FAM204A: variants seen among roughly 807,000 people sequenced by gnomAD.
FAM204A encodes the protein protein FAM204A.
A neutral mutation model predicts 35.4 loss-of-function variants in FAM204A; 16 were observed. The observed-to-expected ratio is 0.45, with a 90% CI of 0.31 to 0.69. FAM204A has a LOEUF of 0.69. Ranked by LOEUF, FAM204A falls within the 30% of genes least tolerant of loss-of-function variation. FAM204A has a pLI of 0.07. For synonymous variants in FAM204A, 76 were observed against 86.9 expected (o/e 0.88, Z 0.70); for missense variants, 240 against 265.7 (o/e 0.90, Z 0.67).
rs1436285981 is a variant in FAM204A at position 118,308,633 on chromosome 10, T to C, written c.*2224A>G. The C allele has an allele frequency of 6.6e-6, 1 of 152,174 alleles. No homozygotes were observed. Among genetic ancestry groups the C allele is most frequent in the African/African-American group, 2.4e-5 (1 of 41,426 alleles). The allele number at this position is 152,174 out of a possible 1,614,324, so 9.4% of individuals were successfully genotyped here. A position where few individuals can be genotyped will look rare whatever the true frequency, so the allele number is the denominator to read the frequency against. ...GGGAGAAGTGGCTTCCTTTATTAGA[T>C]GAGCCCCCGCTATACTTAATTCTGC... On this transcript the variant is annotated 3_prime_UTR_variant, in exon 9 of 9. Coordinates refer to ENST00000369183, the MANE Select transcript of FAM204A (RefSeq NM_022063.3).
intron 8 of FAM204A, 71 bp from the exon 9 acceptor site, chr10:118,310,979 T>TA: frequency 1.4e-6 from 2 of 1,449,362 alleles, no homozygotes; most frequent in South Asian, 1.2e-5. Context: ...CATGTTTACT[T>TA]AGAGACCAAA....
rs771417350 is a variant in FAM204A at position 118,335,442 on chromosome 10, A to G, written c.323-16T>C. The G allele has an allele frequency of 4.6e-5, 73 of 1,597,840 alleles. No homozygotes were observed. Among genetic ancestry groups the G allele is most frequent in the Non-Finnish European group, 5.7e-5 (67 of 1,173,332 alleles). On this transcript the variant is annotated splice_polypyrimidine_tract_variant and intron_variant, in intron 4 of 8. Transcript: ENST00000369183. ...TTCAATTTATCTGAAAAGAATTCAC[A>G]AAGTGTCAATACCTAACTTCAGTAA...
intron 7 of FAM204A, chr10:118,322,392 A>G (rs1846132214): frequency 2.2e-6 from 1 of 456,178 alleles, no homozygotes; most frequent in Admixed American, 2.4e-5. Flanking sequence ...GAAACACACA[A>G]CATTACTCCC....
chr10:118,320,779 C>T (rs1846101487), intron 7 of FAM204A, among the ~76,000 whole-genome samples: 1 of 151,972 alleles, frequency 6.6e-6, no homozygotes, highest in Non-Finnish European at 1.5e-5. Context: ...AGATTCTACA[C>T]ATCTTAATGC....
At chr10:118,329,685 T>C (rs1480680828) in intron 6 of FAM204A, among the ~76,000 whole-genome samples, 1 of 152,132 alleles carries the variant, frequency 6.6e-6, no homozygotes, top group Non-Finnish European at 1.5e-5. Context: ...TCTCCCCTCT[T>C]GAGTCCTATA....
At chr10:118,325,893 G>A (rs1263116614) in intron 7 of FAM204A, among the ~76,000 whole-genome samples, 3 of 152,094 alleles carry the variant, frequency 2.0e-5, no homozygotes, top group Non-Finnish European at 4.4e-5. Flanking sequence ...AAACCTCTCT[G>A]ATCCAGGTAA....
chr10:118,311,053 A>T, intron 8 of FAM204A, 145 bp from the exon 9 acceptor site: 1 of 1,051,482 alleles, frequency 9.5e-7, no homozygotes, highest in Non-Finnish European at 1.4e-6. Context: ...AACAGGATGA[A>T]GAAATGCCTC....
chr10:118,331,518 A>G (rs1199669030), intron 6 of FAM204A, among the ~76,000 whole-genome samples: 2 of 152,228 alleles, frequency 1.3e-5, no homozygotes, highest in Non-Finnish European at 2.9e-5. Flanking sequence ...TATCTAAGAA[A>G]TGTATGGGTA....
chr10:118,312,848 T>C (rs1011404746), intron 7 of FAM204A, among the ~76,000 whole-genome samples: 8 of 152,200 alleles, frequency 5.3e-5, no homozygotes, highest in African/African-American at 1.9e-4. Flanking sequence ...GGCACTGTTC[T>C]AGGTGCTGGA....
In FAM204A at chr10:118,307,556, T is replaced by C. The variant is rs1054167614; in HGVS notation, c.*3301A>G. ...GCTTGCCTCCTCAAACTTTATCATCTCTTAAAAAATAATGTACAACTCTCA... is the reference window on the plus strand; with the variant it reads ...GCTTGCCTCCTCAAACTTTATCATCCCTTAAAAAATAATGTACAACTCTCA... On this transcript the variant is annotated 3_prime_UTR_variant, in exon 9 of 9. Transcript: ENST00000369183. The C allele has an allele frequency of 3.3e-5, 5 of 152,218 alleles. No individual in the cohort carries two copies. The highest frequency in any genetic ancestry group is 4.8e-5 in the African/African-American group (2 of 41,460). The allele number at this position is 152,218 out of a possible 1,614,324, so 9.4% of individuals were successfully genotyped here.
chr10:118,313,103 A>T (rs1289456480), intron 7 of FAM204A, among the ~76,000 whole-genome samples: 1 of 152,174 alleles, frequency 6.6e-6, no homozygotes, highest in Admixed American at 6.5e-5. Context: ...ATAATTTATC[A>T]TTAAGATGAA....
At position 118,336,962 on chromosome 10, in the gene FAM204A, C is replaced by A. The variant is rs991150188; in HGVS notation, c.-8-539G>T. Among the ~76,000 whole-genome samples, 12 of 152,012 alleles carry A rather than the reference C, an allele frequency of 7.9e-5. 1 individual carries two copies. Among genetic ancestry groups the A allele is most frequent in the Admixed American group, 1.3e-4 (2 of 15,254 alleles). Reference sequence around the variant, plus strand: ...TACATAAGTAGTTGGAGGAAGGTATCGTAGTAAAAAGGATATCCTACTTTT... The same window carrying A: ...TACATAAGTAGTTGGAGGAAGGTATAGTAGTAAAAAGGATATCCTACTTTT... On this transcript the variant is annotated intron_variant, in intron 2 of 8. Coordinates refer to ENST00000369183, the MANE Select transcript of FAM204A (RefSeq NM_022063.3).
intron 7 of FAM204A, among the ~76,000 whole-genome samples, chr10:118,324,660 G>C (rs944951850): frequency 3.3e-5 from 5 of 152,126 alleles, no homozygotes; most frequent in African/African-American, 1.2e-4. Context: ...GGAGACAGAA[G>C]AGTGGCTGTC....
chr10:118,321,309 T>C (rs1846111988), intron 7 of FAM204A, among the ~76,000 whole-genome samples: 1 of 152,050 alleles, frequency 6.6e-6, no homozygotes, highest in Non-Finnish European at 1.5e-5. Context: ...TAAAATTAAA[T>C]CTCAAACCAA....
chr10:118,314,157 CT>C (rs1430679727), intron 7 of FAM204A, among the ~76,000 whole-genome samples: 2 of 152,204 alleles, frequency 1.3e-5, no homozygotes, highest in African/African-American at 4.8e-5. Context: ...CATGAGAGGG[CT>C]CCATCATTTT....
rs1845819087 is a variant in FAM204A, at chr10:118,302,545, G to A, written c.*8312C>T. 1 of 152,206 alleles carries A rather than the reference G, an allele frequency of 6.6e-6. No individual in the cohort carries two copies. Among genetic ancestry groups the A allele is most frequent in the Non-Finnish European group, 1.5e-5 (1 of 68,038 alleles). The allele number at this position is 152,206 out of a possible 1,614,324, so 9.4% of individuals were successfully genotyped here. Reference sequence around the variant, plus strand: ...AGAAACATCTGAGGACTTTAATTAAGCCCTCCACCATCGGGAATGGAACTT... The same window carrying A: ...AGAAACATCTGAGGACTTTAATTAAACCCTCCACCATCGGGAATGGAACTT... On this transcript the variant is annotated 3_prime_UTR_variant, in exon 9 of 9. Transcript: ENST00000369183.
At chr10:118,313,621 T>A (rs1357340631) in intron 7 of FAM204A, among the ~76,000 whole-genome samples, 1 of 152,156 alleles carries the variant, frequency 6.6e-6, no homozygotes, top group Non-Finnish European at 1.5e-5. Context: ...CTCTTCCCCA[T>A]CGCCAAAACG....
At chr10:118,311,106 A>T in intron 8 of FAM204A, 101 bp downstream of exon 8, 2 of 1,169,602 alleles carry the variant, frequency 1.7e-6, no homozygotes. Context: ...AAAAAAATGT[A>T]AAATGAGTTA....
rs1382030078 is a variant in FAM204A, at chr10:118,326,207, C to T, written c.490G>A (p.Glu164Lys). 2 of 1,613,854 alleles carry T rather than the reference C, an allele frequency of 1.2e-6. No individual in the cohort carries two copies. The highest frequency in any genetic ancestry group is 2.7e-5 in the African/African-American group (2 of 74,918). Reference protein sequence around the residue: ...LEKRIDQAVEEWNIEKAEELS... With the variant: ...LEKRIDQAVEKWNIEKAEELS... ...TCCTCAGCCTTCTCAATATTCCACTCCTCCACAGCCTGGTCTATCCTCTTT... is the reference window on the plus strand; with the variant it reads ...TCCTCAGCCTTCTCAATATTCCACTTCTCCACAGCCTGGTCTATCCTCTTT... Residue 164 changes from glutamate (E) to lysine (K), a missense_variant, in exon 7 of 9, where the codon GAG becomes AAG. Physicochemically the swap from Glu to Lys is moderately conservative, Grantham distance 56. Transcript: ENST00000369183.
Sources: allele counts gnomAD v4.1 joint callset (sites outside exome capture counted in the v4.1 genomes callset), GRCh38; gene constraint gnomAD v4.1.1; transcripts MANE v1.5; gene names NCBI Gene and HGNC (gene_info 2026-07-23, HGNC 2026-07-21).